SBNO2: variants seen among roughly 807,000 people sequenced by gnomAD.
The protein encoded by SBNO2 is protein strawberry notch homolog 2.
SBNO2 carries 89 observed loss-of-function variants against 146.3 expected under a neutral mutation model. The observed-to-expected ratio is 0.61, with a 90% confidence interval of 0.51 to 0.73. SBNO2 has a LOEUF of 0.73. SBNO2 is among the 30% of genes least tolerant of loss of function. The pLI is 0.00. For missense variants in SBNO2, 2,092 were observed against 2,003.7 expected, an observed-to-expected ratio of 1.04 and a Z score of -0.84; for synonymous variants, 1,147 against 892.6, an observed-to-expected ratio of 1.29 and a Z score of -5.08.
intron 1 of SBNO2, among the ~76,000 whole-genome samples, chr19:1,162,184 G>T (rs2080353906): frequency 2.7e-4 from 1 of 3,730 alleles, no homozygotes; most frequent in African/African-American, 9.5e-4. Flanking sequence ...ATACAGCCGG[G>T]AACAGTGGCT....
At chr19:1,167,732 C>T (rs969216349) in intron 1 of SBNO2, among the ~76,000 whole-genome samples, 69 of 152,306 alleles carry the variant, frequency 4.5e-4, no homozygotes, top group African/African-American at 1.5e-3. Context: ...GTGGGGGGGA[C>T]GGTGGCTTCT....
chr19:1,159,138 CAG>C (rs1478911704), intron 1 of SBNO2, among the ~76,000 whole-genome samples: 2 of 152,218 alleles, frequency 1.3e-5, no homozygotes, highest in Non-Finnish European at 2.9e-5. Context: ...GGGCTCAAGA[CAG>C]GGCAATCACC....
intron 2 of SBNO2, 52 bp from the exon 3 acceptor site, chr19:1,149,494 A>C (rs2080223264): frequency 1.3e-6 from 2 of 1,488,224 alleles, no homozygotes; most frequent in Non-Finnish European, 9.2e-7. Flanking sequence ...CCTGCGGTGC[A>C]GCCCGGCTAA....
Position 1,152,484 on chromosome 19 carries a change from G to C in SBNO2, c.93+1700C>G, listed in dbSNP as rs551854432. Among the ~76,000 whole-genome samples the C allele has an allele frequency of 3.3e-3, 500 of 152,238 alleles. 3 individuals carry two copies. Among genetic ancestry groups the C allele is most frequent in the African/African-American group, 0.012 (480 of 41,530 alleles). On this transcript the variant is annotated intron_variant, in intron 2 of 31. Transcript: ENST00000361757. ...GCTGTTCCGGTGGGGATGTGGCTTG[G>C]CCAGTCCCCTTTATGGTGGCCCAGG...
chr19:1,112,859 C>G lies in SBNO2; in HGVS notation c.2338G>C (p.Val780Leu), dbSNP rs376039142. The G allele has an allele frequency of 3.2e-6, 5 of 1,576,526 alleles. No individual in the cohort carries two copies. The highest frequency in any genetic ancestry group is 4.3e-6 in the Non-Finnish European group (5 of 1,162,750). ...AAGCGCTGCTTCTCCCTGAGGTTCA[C>G]GTGGTCGATGGACAGACCCTGCTCT... ...RAEQGLSIDH[V>L]NLREKQRFMS... Residue 780 changes from valine to leucine, a missense_variant, in exon 20 of 32, where the codon GTG becomes CTG. Transcript: ENST00000361757. The surrounding 1 kb of genome is among the most constrained non-coding windows in gnomAD (Gnocchi z 5.9).
In SBNO2 at chr19:1,122,119, G is replaced by A. The variant is rs765296313; in HGVS notation, c.1149+20C>T. ...CCCCCTAATCCAGCCCTCCCCTCCC[G>A]ATTGCCCCCAGCAGGATACGACGCC... On this transcript the variant is annotated intron_variant, in intron 11 of 31. Coordinates refer to ENST00000361757, the MANE Select transcript of SBNO2 (RefSeq NM_014963.3). 9 of 1,039,346 alleles carry A rather than the reference G, an allele frequency of 8.7e-6. No individual in the cohort carries two copies. Among genetic ancestry groups the A allele is most frequent in the East Asian group, 8.2e-5 (1 of 12,244 alleles). The allele number at this position is 1,039,346 out of a possible 1,614,324, so 64.4% of individuals were successfully genotyped here.
intron 7 of SBNO2, 78 bp downstream of exon 7, chr19:1,123,456 C>A (rs978898754): frequency 2.5e-6 from 3 of 1,199,404 alleles, no homozygotes; most frequent in African/African-American, 1.5e-5. Context: ...GCTGTGCGGG[C>A]GGTGGTCACC....
intron 4 of SBNO2, 65 bp downstream of exon 4, chr19:1,147,244 A>T: frequency 9.1e-7 from 1 of 1,098,792 alleles, no homozygotes; most frequent in Admixed American, 2.2e-5. Flanking sequence ...GTCGCAGGGC[A>T]GCTGGAGGGG....
chr19:1,132,478 G>A (rs1236340977), intron 4 of SBNO2, among the ~76,000 whole-genome samples: 3 of 152,218 alleles, frequency 2.0e-5, no homozygotes, highest in South Asian at 2.1e-4. Flanking sequence ...CCCGGCGGAC[G>A]TGCAGAATGC....
In SBNO2 at chr19:1,111,002, G is replaced by C. The variant is rs1450500306; in HGVS notation, c.2884+17C>G. On this transcript the variant is annotated intron_variant, in intron 25 of 31. Coordinates refer to ENST00000361757, the MANE Select transcript of SBNO2 (RefSeq NM_014963.3). ...GAGAGACAGGAGCGCCTCTGGGCCT[G>C]GGTGTGGGGCACTCACCCTTCTCCA... is the stretch of plus-strand genomic sequence containing the variant. The C allele has an allele frequency of 2.5e-6, 4 of 1,598,476 alleles. No homozygotes were observed. The highest frequency in any genetic ancestry group is 1.7e-4 in the Middle Eastern group (1 of 6,056).
intron 4 of SBNO2, among the ~76,000 whole-genome samples, chr19:1,130,132 G>A (rs567998105): frequency 3.3e-5 from 5 of 152,264 alleles, no homozygotes; most frequent in African/African-American, 1.2e-4. Flanking sequence ...AACACCACGT[G>A]GGGTCCTGGG....
At chr19:1,135,086 C>T (rs979585747) in intron 4 of SBNO2, among the ~76,000 whole-genome samples, 11 of 145,302 alleles carry the variant, frequency 7.6e-5, no homozygotes, top group African/African-American at 2.3e-4. Flanking sequence ...TTTGGCCGAG[C>T]GTAGTGGCTC....
chr19:1,153,577 G>A (rs1336898832), intron 2 of SBNO2, among the ~76,000 whole-genome samples: 10 of 148,740 alleles, frequency 6.7e-5, no homozygotes, highest in South Asian at 2.1e-4. Context: ...CACTCTTGTC[G>A]CCCAGGCTAG....
rs900764721 is a variant in SBNO2, at chr19:1,132,047, C to A, written c.280-4282G>T. 1.4e-5 allele frequency: 21 copies of A among 1,464,304 alleles called. No individual in the cohort carries two copies. In the African/African-American group the frequency reaches 2.5e-4, roughly 18 times the overall value. 90.7% of individuals were successfully genotyped at this position (1,464,304 alleles called of 1,614,324 possible). On this transcript the variant is annotated intron_variant, in intron 4 of 31. Coordinates refer to ENST00000361757, the MANE Select transcript of SBNO2 (RefSeq NM_014963.3). The stretch of plus-strand genomic sequence containing the variant: ...TGAATGGGGTCCCACCTCCCAGACC[C>A]CTGCCCCCGAGGGCCTCGCCCGCCC...
In SBNO2 at chr19:1,158,714, G is replaced by A. The variant is rs146320868; in HGVS notation, c.-126-4312C>T. 2.5e-3 allele frequency among the ~76,000 whole-genome samples: 384 copies of A among 152,278 alleles called. 2 individuals are homozygous for A. The highest frequency in any genetic ancestry group is 4.5e-3 in the Non-Finnish European group (303 of 68,004). On this transcript the variant is annotated intron_variant, in intron 1 of 31. Transcript: ENST00000361757. This position sits in a 1 kb window ranked among gnomAD's most constrained non-coding sequence, Gnocchi z 9.9. Reference sequence around the variant, plus strand: ...CCCTGGAGGCCGCATTACCTCAGCCGAGGTTCTCCGGGCAGGCACAAGGCG... The same window carrying A: ...CCCTGGAGGCCGCATTACCTCAGCCAAGGTTCTCCGGGCAGGCACAAGGCG...
intron 13 of SBNO2, 82 bp from the exon 14 acceptor site, chr19:1,119,246 C>T (rs1354773997): frequency 4.7e-6 from 7 of 1,489,024 alleles, no homozygotes; most frequent in African/African-American, 1.4e-5. Flanking sequence ...GAGCCAGTCG[C>T]AGAGAGGGCG....
chr19:1,155,344 C>CG (rs2080280808), intron 1 of SBNO2, among the ~76,000 whole-genome samples: 1 of 152,168 alleles, frequency 6.6e-6, no homozygotes. Context: ...GGCTGGGGGT[C>CG]GGGACTCCTG....
chr19:1,108,493 G>A lies in SBNO2; in HGVS notation c.3828C>T (p.Phe1276=). The A allele has an allele frequency of 1.6e-6, 2 of 1,218,376 alleles. No homozygotes were observed. The highest frequency in any genetic ancestry group is 2.0e-6 in the Non-Finnish European group (2 of 975,834). The allele number at this position is 1,218,376 out of a possible 1,614,324, so 75.5% of individuals were successfully genotyped here. Residue 1276 remains phenylalanine (F), a synonymous_variant, in exon 32 of 32, where the codon TTC becomes TTT. Coordinates refer to ENST00000361757, the MANE Select transcript of SBNO2 (RefSeq NM_014963.3). Reference sequence around the variant, plus strand: ...CGGCGTCCAGGGACAGCGGCGCCGGGAAAGAGAAGTGCGGGGGCGGCGGGA... The same window carrying A: ...CGGCGTCCAGGGACAGCGGCGCCGGAAAAGAGAAGTGCGGGGGCGGCGGGA... ...EAFPPPPHFS[F]PAPLSLDAGP... is the part of the protein sequence containing the mutation.
At chr19:1,121,615 G>C (rs940424298) in intron 11 of SBNO2, among the ~76,000 whole-genome samples, 1 of 152,024 alleles carries the variant, frequency 6.6e-6, no homozygotes, top group Admixed American at 6.6e-5. Flanking sequence ...TAACTGTCCT[G>C]GGTCTCCTGT....
Sources: allele counts gnomAD v4.1 joint callset (sites outside exome capture counted in the v4.1 genomes callset), GRCh38; gene constraint gnomAD v4.1.1; non-coding constraint Gnocchi (gnomAD v3.1); transcripts MANE v1.5; gene names NCBI Gene and HGNC (gene_info 2026-07-23, HGNC 2026-07-21).